Variants in CSMD1 observed in about 807,000 individuals in gnomAD.
The protein encoded by CSMD1 is CUB and sushi domain-containing protein 1.
Under a neutral mutation model 417.5 loss-of-function variants are expected in CSMD1, and 213 were observed. That is an observed-to-expected ratio of 0.51 (90% CI 0.46 to 0.57). The LOEUF (loss-of-function observed/expected upper bound fraction) is 0.57. Among genes scored for constraint, CSMD1 ranks in the 20% least tolerant of loss-of-function variants. The probability of loss-of-function intolerance (pLI) is 0.00; values close to 1 mark genes in which losing one functional copy is unlikely to be tolerated. For missense variants in CSMD1, 6,923 were observed against 4,529.7 expected (o/e 1.53, Z -15.17); for synonymous variants, 2,862 against 1,736.8 (o/e 1.65, Z -16.11).
intron 2 of CSMD1, among the ~76,000 whole-genome samples, chr8:4,629,065 T>C (rs750956267): frequency 1.2e-4 from 18 of 152,306 alleles, no homozygotes; most frequent in Non-Finnish European, 2.1e-4. Context: ...GTGAGAGTTA[T>C]TGATAGTCTA....
At position 2,940,880 on chromosome 8, in the gene CSMD1, A is replaced by G. The variant is rs934674797; in HGVS notation, c.10535+1592T>C. On this transcript the variant is annotated intron_variant, in intron 69 of 69. Coordinates refer to ENST00000635120, the MANE Select transcript of CSMD1 (RefSeq NM_033225.6). ...GCAAAAATAAATTTGTAGGAATTGT[A>G]AGTTCCTACATATGTGTCTCTATAA... is the stretch of plus-strand genomic sequence containing the variant. 7.2e-5 allele frequency among the ~76,000 whole-genome samples: 11 copies of G among 152,322 alleles called. 1 individual carries two copies. Among genetic ancestry groups the G allele is most frequent in the Admixed American group, 3.9e-4 (6 of 15,298 alleles).
At chr8:4,696,848 G>C (rs778904668) in intron 1 of CSMD1, among the ~76,000 whole-genome samples, 1 of 152,188 alleles carries the variant, frequency 6.6e-6, no homozygotes, top group Non-Finnish European at 1.5e-5. Flanking sequence ...TGTAAGTAGT[G>C]ACAGAGCTGT....
chr8:3,409,327 C>T lies in CSMD1; in HGVS notation c.1744+96G>A, dbSNP rs1424533164. On this transcript the variant is annotated intron_variant, in intron 13 of 69. Transcript: ENST00000635120. ...GCACCCCGAGCCATTCTGAAAGCTG[C>T]CCTCCCTAAATGGGCGGTCTGTGTC... 1.3e-5 allele frequency: 15 copies of T among 1,168,382 alleles called. No homozygotes were observed. The South Asian group carries it at 1.8e-4, about 14-fold the overall frequency. 72.4% of individuals were successfully genotyped at this position (1,168,382 alleles called of 1,614,324 possible).
chr8:4,141,988 C>A (rs7843132), intron 3 of CSMD1, among the ~76,000 whole-genome samples: 1 of 150,554 alleles, frequency 6.6e-6, no homozygotes, highest in Non-Finnish European at 1.5e-5. Flanking sequence ...TTAAATTTCT[C>A]TCAACTTATA....
intron 1 of CSMD1, among the ~76,000 whole-genome samples, chr8:4,709,836 G>T (rs185975701): frequency 6.6e-6 from 1 of 152,278 alleles, no homozygotes; most frequent in Admixed American, 6.5e-5. Flanking sequence ...TCGTCCCGCA[G>T]AGTAAAATAC....
At chr8:3,631,045 C>T (rs1028713700) in intron 7 of CSMD1, among the ~76,000 whole-genome samples, 8 of 152,154 alleles carry the variant, frequency 5.3e-5, no homozygotes, top group African/African-American at 1.4e-4. Context: ...CTTCTTTGCT[C>T]GTGCCGCTCC....
At position 3,946,167 on chromosome 8, in the gene CSMD1, G is replaced by T. The variant is rs113327393; in HGVS notation, c.818+51736C>A. Among the ~76,000 whole-genome samples, 576 of 152,090 alleles carry T rather than the reference G, an allele frequency of 3.8e-3. 9 individuals carry two copies. The highest frequency in any genetic ancestry group is 0.013 in the African/African-American group (560 of 41,520). On this transcript the variant is annotated intron_variant, in intron 5 of 69. Transcript: ENST00000635120. ...AATCCCAATGCACCCTTTGAAATAA[G>T]ATTATTACAAAGAATAAATCTCAGT...
rs1810729632 is a variant in CSMD1, at chr8:3,939,458, C to T, written c.818+58445G>A. ...ACTATGAAAGACAGTACGGAGATTC[C>T]TTAAAGAACTAAAAGTAGAACTACC... On this transcript the variant is annotated intron_variant, in intron 5 of 69. Coordinates refer to ENST00000635120, the MANE Select transcript of CSMD1 (RefSeq NM_033225.6). Among the ~76,000 whole-genome samples, 4 of 152,062 alleles carry T rather than the reference C, an allele frequency of 2.6e-5. No homozygotes were observed. In the South Asian group the frequency reaches 8.3e-4, roughly 32 times the overall value.
chr8:3,969,949 C>A (rs1362137035), intron 5 of CSMD1, among the ~76,000 whole-genome samples: 1 of 152,140 alleles, frequency 6.6e-6, no homozygotes, highest in Non-Finnish European at 1.5e-5. Context: ...ACAACCTCTC[C>A]CAGCATTTTC....
chr8:4,018,480 G>A (rs1025430543), intron 4 of CSMD1, among the ~76,000 whole-genome samples: 12 of 152,116 alleles, frequency 7.9e-5, no homozygotes, highest in African/African-American at 2.9e-4. Flanking sequence ...TTTGCACAAG[G>A]AGCAGGTGGA....
chr8:3,631,483 G>A (rs1041073355), intron 7 of CSMD1, among the ~76,000 whole-genome samples: 2 of 152,188 alleles, frequency 1.3e-5, no homozygotes, highest in East Asian at 3.9e-4. Flanking sequence ...AGAGGCTGAG[G>A]AGCAGGCAGA....
At chr8:3,664,881 A>G (rs1370759594) in intron 7 of CSMD1, among the ~76,000 whole-genome samples, 1 of 152,218 alleles carries the variant, frequency 6.6e-6, no homozygotes, top group Non-Finnish European at 1.5e-5. Flanking sequence ...CAGAATTTCA[A>G]CGTCACAAAT....
intron 1 of CSMD1, among the ~76,000 whole-genome samples, chr8:4,989,088 A>T (rs1811328888): frequency 6.6e-6 from 1 of 152,230 alleles, no homozygotes; most frequent in Non-Finnish European, 1.5e-5. Context: ...CCTAAGTGCA[A>T]TTATTTGATT....
chr8:4,361,614 C>T (rs1382160408), intron 3 of CSMD1, among the ~76,000 whole-genome samples: 1 of 152,166 alleles, frequency 6.6e-6, no homozygotes, highest in Non-Finnish European at 1.5e-5. Context: ...ACTCCCAACT[C>T]TCTGCTTTGC....
intron 5 of CSMD1, among the ~76,000 whole-genome samples, chr8:3,788,072 G>C (rs972147687): frequency 5.3e-5 from 8 of 152,134 alleles, no homozygotes; most frequent in African/African-American, 1.7e-4. Context: ...TCTCCATCCA[G>C]TGAGTGTTCT....
intron 3 of CSMD1, among the ~76,000 whole-genome samples, chr8:4,040,302 T>G (rs1797820147): frequency 6.6e-6 from 1 of 152,206 alleles, no homozygotes; most frequent in South Asian, 2.1e-4. Flanking sequence ...TAGACACTGT[T>G]CCAAGTCGTT....
intron 1 of CSMD1, among the ~76,000 whole-genome samples, chr8:4,932,743 T>C (rs1045714724): frequency 1.5e-4 from 23 of 152,318 alleles, no homozygotes; most frequent in Admixed American, 5.2e-4. Flanking sequence ...AGTACGATCC[T>C]TAAAATAATC....
chr8:4,795,495 A>G (rs939795378), intron 1 of CSMD1, among the ~76,000 whole-genome samples: 3 of 151,396 alleles, frequency 2.0e-5, no homozygotes, highest in Non-Finnish European at 4.4e-5. Flanking sequence ...TGGTCTCGAT[A>G]TCCTGACCTG....
intron 49 of CSMD1, among the ~76,000 whole-genome samples, chr8:3,066,346 G>A (rs1812935811): frequency 6.6e-6 from 1 of 152,130 alleles, no homozygotes; most frequent in Non-Finnish European, 1.5e-5. Context: ...AGCTCAACAT[G>A]GTCAGAGAAT....
Sources: gnomAD v4.1 joint callset for allele counts (sites outside exome capture counted in the v4.1 genomes callset) on GRCh38, gnomAD v4.1.1 for gene constraint, MANE v1.5 for transcripts, NCBI Gene and HGNC (gene_info 2026-07-23, HGNC 2026-07-21) for gene names.